COL24A1: variants seen among roughly 807,000 people sequenced by gnomAD.
COL24A1 encodes collagen alpha-1(XXIV) chain.
COL24A1 carries 224 observed loss-of-function variants against 253.9 expected under a neutral mutation model. The ratio of observed to expected loss-of-function variants is 0.88; its 90% confidence interval spans 0.79 to 0.99. The LOEUF is 0.99. Among genes scored for constraint, COL24A1 ranks in the 50% least tolerant of loss-of-function variants. COL24A1 has a pLI of 0.00. For missense variants in COL24A1, 2,131 were observed against 2,068.5 expected, an observed-to-expected ratio of 1.03 and a Z score of -0.59; for synonymous variants, 685 against 673.7, an observed-to-expected ratio of 1.02 and a Z score of -0.26.
rs990971356 is a variant in COL24A1 at position 85,730,022 on chromosome 1, G to A, written c.*524C>T. On this transcript the variant is annotated 3_prime_UTR_variant, in exon 60 of 60. Coordinates refer to ENST00000370571, the MANE Select transcript of COL24A1 (RefSeq NM_152890.7). ...AGCCATAAGCACCTTGTTTTCGAAAGAGCACCAAGCAACACAAAGAGGCAA... is the reference window on the plus strand; with the variant it reads ...AGCCATAAGCACCTTGTTTTCGAAAAAGCACCAAGCAACACAAAGAGGCAA... 6.5e-6 allele frequency: 1 copy of A among 152,686 alleles called. No homozygotes were observed. The allele number at this position is 152,686 out of a possible 1,614,324, so 9.5% of individuals were successfully genotyped here. A position where few individuals can be genotyped will look rare whatever the true frequency, so the allele number is the denominator to read the frequency against.
At chr1:86,036,714 AAT>A (rs1699055533) in intron 12 of COL24A1, among the ~76,000 whole-genome samples, 1 of 152,186 alleles carries the variant, frequency 6.6e-6, no homozygotes, top group Admixed American at 6.6e-5. Flanking sequence ...TTGGTTGTGA[AAT>A]ATGGAACAGT....
chr1:85,823,494 C>T (rs779049436), intron 45 of COL24A1, 42 bp downstream of exon 45: 2 of 1,587,288 alleles, frequency 1.3e-6, no homozygotes, highest in Non-Finnish European at 1.7e-6. Flanking sequence ...TCTAAAATTG[C>T]TAACAATACA....
chr1:86,071,369 A>G (rs1701862441), intron 7 of COL24A1, among the ~76,000 whole-genome samples: 1 of 152,208 alleles, frequency 6.6e-6, no homozygotes, highest in African/African-American at 2.4e-5. Flanking sequence ...CAGAAAACAA[A>G]TAACAAAATG....
intron 2 of COL24A1, among the ~76,000 whole-genome samples, chr1:86,142,276 C>T (rs1265851684): frequency 6.6e-6 from 1 of 151,752 alleles, no homozygotes; most frequent in East Asian, 1.9e-4. Flanking sequence ...GTAATCCCAG[C>T]ACTTTGGGAG....
rs148418484 is a variant in COL24A1 at position 85,801,038 on chromosome 1, G to C, written c.3952-14577C>G. Among the ~76,000 whole-genome samples the C allele has an allele frequency of 4.6e-5, 7 of 152,222 alleles. 1 individual carries two copies. Among genetic ancestry groups the C allele is most frequent in the African/African-American group, 1.7e-4 (7 of 41,540 alleles). ...AAACAAGTGTCCAACACAGTTTCTCGAGATTATTAGATATGTTGATGAGGT... is the reference window on the plus strand; with the variant it reads ...AAACAAGTGTCCAACACAGTTTCTCCAGATTATTAGATATGTTGATGAGGT... On this transcript the variant is annotated intron_variant, in intron 47 of 59. Coordinates refer to ENST00000370571, the MANE Select transcript of COL24A1 (RefSeq NM_152890.7).
rs151320187 is a variant in COL24A1, at chr1:86,138,621, C to T, written c.121+7498G>A. On this transcript the variant is annotated intron_variant, in intron 2 of 59. Coordinates refer to ENST00000370571, the MANE Select transcript of COL24A1 (RefSeq NM_152890.7). ...GTGACTTGCTCCTCCTGGCCTTCCA[C>T]CATGATTGTGAGGCCTCCCTAGCTA... 2.6e-3 allele frequency among the ~76,000 whole-genome samples: 396 copies of T among 152,302 alleles called. 1 individual carries two copies. Among genetic ancestry groups the T allele is most frequent in the African/African-American group, 9.1e-3 (377 of 41,564 alleles).
chr1:86,083,303 A>ATAT (rs370645989), intron 7 of COL24A1, among the ~76,000 whole-genome samples: 2 of 150,550 alleles, frequency 1.3e-5, no homozygotes, highest in Admixed American at 6.7e-5. Context: ...GTCTCAAAAA[A>ATAT]ATATATATAT....
intron 47 of COL24A1, among the ~76,000 whole-genome samples, chr1:85,794,465 T>C (rs313734): frequency 0.36 from 54,683 of 151,986 alleles, 10,627 homozygotes; most frequent in East Asian, 0.57. Flanking sequence ...TCATTTTACT[T>C]GCAGTGCCAT....
chr1:85,901,794 A>T (rs1684322914), intron 28 of COL24A1, among the ~76,000 whole-genome samples: 1 of 119,758 alleles, frequency 8.4e-6, no homozygotes, highest in Non-Finnish European at 1.6e-5. Flanking sequence ...CCTGGGCAAC[A>T]GGGTGAGACA....
chr1:86,132,070 G>A (rs183317700), intron 2 of COL24A1, among the ~76,000 whole-genome samples: 22 of 152,326 alleles, frequency 1.4e-4, no homozygotes, highest in Admixed American at 1.4e-3. Context: ...ACTGGTGTGA[G>A]ATGGTGTTTC....
chr1:86,137,277 T>C (rs1392180474), intron 2 of COL24A1, among the ~76,000 whole-genome samples: 1 of 152,166 alleles, frequency 6.6e-6, no homozygotes, highest in Non-Finnish European at 1.5e-5. Context: ...TATTAGGTGC[T>C]TTACATTTTT....
intron 37 of COL24A1, among the ~76,000 whole-genome samples, chr1:85,860,341 T>C (rs1287660265): frequency 4.6e-5 from 7 of 152,196 alleles, no homozygotes. Context: ...AATCTCATTA[T>C]CATAAGAAGT....
At chr1:85,993,404 C>G (rs180818499) in intron 19 of COL24A1, among the ~76,000 whole-genome samples, 91 of 150,424 alleles carry the variant, frequency 6.0e-4, no homozygotes, top group African/African-American at 2.2e-3. Context: ...GCAACCTAGA[C>G]GAATCTCAAA....
chr1:85,804,800 G>A (rs1456963041), intron 47 of COL24A1, among the ~76,000 whole-genome samples: 1 of 151,736 alleles, frequency 6.6e-6, no homozygotes. Flanking sequence ...TGGGAACACA[G>A]AGCCAAACCA....
At chr1:85,827,853 T>G (rs532410550) in intron 43 of COL24A1, among the ~76,000 whole-genome samples, 1 of 152,236 alleles carries the variant, frequency 6.6e-6, no homozygotes, top group South Asian at 2.1e-4. Context: ...TCAATTTTGT[T>G]GATCCTTTCA....
At position 85,734,981 on chromosome 1, in the gene COL24A1, G is replaced by A; in HGVS notation, c.4783-17C>T. ...AAACTCCAACTAATGTCATAGAAAT[G>A]ATATGCAGGTTATAACATGGCAATT... is the stretch of plus-strand genomic sequence containing the variant. On this transcript the variant is annotated splice_polypyrimidine_tract_variant and intron_variant, in intron 58 of 59. Transcript: ENST00000370571. 6.2e-7 allele frequency: 1 copy of A among 1,610,816 alleles called. No homozygotes were observed. The highest frequency in any genetic ancestry group is 8.5e-7 in the Non-Finnish European group (1 of 1,177,126).
chr1:85,764,417 C>T (rs1369824802), intron 53 of COL24A1, among the ~76,000 whole-genome samples: 1 of 150,504 alleles, frequency 6.6e-6, no homozygotes, highest in South Asian at 2.1e-4. Context: ...AGTTGTCATG[C>T]GGGTGACAGC....
At chr1:85,908,828 T>TA (rs1023385474) in intron 26 of COL24A1, among the ~76,000 whole-genome samples, 177 bp from the exon 27 acceptor site, 1 of 151,220 alleles carries the variant, frequency 6.6e-6, no homozygotes, top group Non-Finnish European at 1.5e-5. Context: ...ACCATAGAAA[T>TA]AAAAAAAAAT....
At position 85,847,670 on chromosome 1, in the gene COL24A1, C is replaced by G; in HGVS notation, c.3457G>C (p.Ala1153Pro). 6.2e-7 allele frequency: 1 copy of G among 1,612,202 alleles called. No individual in the cohort carries two copies. Among genetic ancestry groups the G allele is most frequent in the Non-Finnish European group, 8.5e-7 (1 of 1,178,536 alleles). ...GAAGCAAGTCAAATACTGACCACAG[C>G]ACCTCTAGTTCCTCTGGCACCCTTA... is the stretch of plus-strand genomic sequence containing the variant. ...GPKGARGTRG[A>P]VGHLGLMGPD... is the part of the protein sequence containing the mutation. The change falls in exon 39 of 60, where the codon GCT becomes CCT. Residue 1153 changes from alanine (A) to proline (P), a missense_variant. Physicochemically the swap from Ala to Pro is conservative, Grantham distance 27 (BLOSUM62 -1). Transcript: ENST00000370571.
Sources: allele counts gnomAD v4.1 joint callset (sites outside exome capture counted in the v4.1 genomes callset), GRCh38; gene constraint gnomAD v4.1.1; transcripts MANE v1.5; gene names NCBI Gene and HGNC (gene_info 2026-07-23, HGNC 2026-07-21).